Variants in PTAR1 observed in about 807,000 individuals in gnomAD.
PTAR1 encodes protein prenyltransferase alpha subunit repeat containing 1, also known as protein prenyltransferase alpha subunit repeat-containing protein 1.
Under a neutral mutation model 45.5 loss-of-function variants are expected in PTAR1, and 17 were observed. The observed-to-expected ratio is 0.37, with a 90% CI of 0.26 to 0.56. PTAR1 has a LOEUF of 0.56. PTAR1 is among the 20% of genes least tolerant of loss of function. PTAR1 has a pLI of 0.77. For missense variants in PTAR1, 391 were observed against 476.3 expected, an observed-to-expected ratio of 0.82 and a Z score of 1.67; for synonymous variants, 169 against 171.3, an observed-to-expected ratio of 0.99 and a Z score of 0.11.
chr9:69,755,184 G>A (rs534195949), intron 1 of PTAR1, among the ~76,000 whole-genome samples: 57 of 152,258 alleles, frequency 3.7e-4, no homozygotes, highest in African/African-American at 1.3e-3. Context: ...AAGATATGAT[G>A]GTTTGGGACA....
intron 2 of PTAR1, among the ~76,000 whole-genome samples, chr9:69,749,709 T>C (rs1243148092): frequency 2.0e-5 from 3 of 152,108 alleles, no homozygotes; most frequent in South Asian, 2.1e-4. Context: ...ATGTTACAGA[T>C]AGTGCTGACA....
chr9:69,727,077 G>A (rs547266729), intron 5 of PTAR1, among the ~76,000 whole-genome samples: 4 of 149,590 alleles, frequency 2.7e-5, no homozygotes, highest in African/African-American at 4.9e-5. Context: ...ATATATATAC[G>A]ATGTACGACA....
In PTAR1 at chr9:69,712,789, A is replaced by C. The variant is rs1824574756; in HGVS notation, c.*5553T>G. The C allele has an allele frequency of 6.6e-6, 1 of 152,020 alleles. No individual in the cohort carries two copies. The highest frequency in any genetic ancestry group is 2.4e-5 in the African/African-American group (1 of 41,412). The allele number at this position is 152,020 out of a possible 1,614,324, so 9.4% of individuals were successfully genotyped here. On this transcript the variant is annotated 3_prime_UTR_variant, in exon 8 of 8. Transcript: ENST00000340434. ...ACTAAAACAAAATACAATCATCCCC[A>C]CCTCTACCAAAGATGGAACTATAAC...
rs1357006174 is a variant in PTAR1 at position 69,714,108 on chromosome 9, AC to A, written c.*4233del. ...TTCATTAACTTCTCAGTGCCTCCAC[AC>A]ATCTCTCCATTAAATGGGAGCTTAT... On this transcript the variant is annotated 3_prime_UTR_variant, in exon 8 of 8. Transcript: ENST00000340434. 1 of 152,112 alleles carries A rather than the reference AC, an allele frequency of 6.6e-6. No homozygotes were observed. The highest frequency in any genetic ancestry group is 1.9e-4 in the East Asian group (1 of 5,192). The allele number at this position is 152,112 out of a possible 1,614,324, so 9.4% of individuals were successfully genotyped here.
rs1824760908 is a variant in PTAR1 at position 69,717,186 on chromosome 9, A to C, written c.*1156T>G. 6.6e-6 allele frequency: 1 copy of C among 152,196 alleles called. No individual in the cohort carries two copies. The highest frequency in any genetic ancestry group is 6.5e-5 in the Admixed American group (1 of 15,274). The allele number at this position is 152,196 out of a possible 1,614,324, so 9.4% of individuals were successfully genotyped here. On this transcript the variant is annotated 3_prime_UTR_variant, in exon 8 of 8. Transcript: ENST00000340434. ...CCTTGGCATTTGCCAGTAAACTTTA[A>C]CAGTCACTTCATGATAATTTTATAG...
chr9:69,745,166 A>G (rs949218674), intron 2 of PTAR1, among the ~76,000 whole-genome samples: 7 of 152,240 alleles, frequency 4.6e-5, no homozygotes, highest in Admixed American at 2.0e-4. Context: ...TATTTTCAAC[A>G]TAAGTAAGGA....
intron 4 of PTAR1, among the ~76,000 whole-genome samples, chr9:69,733,774 G>A (rs779233465): frequency 1.3e-5 from 2 of 152,110 alleles, no homozygotes; most frequent in Non-Finnish European, 2.9e-5. Context: ...TTACAGTTGA[G>A]TATCTATAAA....
At position 69,711,064 on chromosome 9, in the gene PTAR1, G is replaced by T. The variant is rs1338349368; in HGVS notation, c.*7278C>A. 2 of 151,824 alleles carry T rather than the reference G, an allele frequency of 1.3e-5. No individual in the cohort carries two copies. The highest frequency in any genetic ancestry group is 4.8e-5 in the African/African-American group (2 of 41,326). 9.4% of individuals were successfully genotyped at this position (151,824 alleles called of 1,614,324 possible). A position where few individuals can be genotyped will look rare whatever the true frequency, so the allele number is the denominator to read the frequency against. ...TTAGACGCTATTAAAATCATAACTG[G>T]CCTTTTTTTTTCTCCCTCTCCTTTT... On this transcript the variant is annotated 3_prime_UTR_variant, in exon 8 of 8. Coordinates refer to ENST00000340434, the MANE Select transcript of PTAR1 (RefSeq NM_001099666.2).
intron 1 of PTAR1, among the ~76,000 whole-genome samples, chr9:69,754,345 A>C (rs1826665293): frequency 6.6e-6 from 1 of 152,100 alleles, no homozygotes; most frequent in African/African-American, 2.4e-5. Context: ...CTTAGCCCCA[A>C]ACCCCTGACA....
rs775836507 is a variant in PTAR1 at position 69,759,964 on chromosome 9, G to C, written c.-26C>G. The C allele has an allele frequency of 1.4e-6, 2 of 1,454,430 alleles. No homozygotes were observed. The highest frequency in any genetic ancestry group is 1.8e-6 in the Non-Finnish European group (2 of 1,096,420). The allele number at this position is 1,454,430 out of a possible 1,614,324, so 90.1% of individuals were successfully genotyped here. Reference sequence around the variant, plus strand: ...GTTGGCGGCGGCCGCGACAGTTCGGGCGCGCCTCCGCGTGAGCCGGGCCGC... The same window carrying C: ...GTTGGCGGCGGCCGCGACAGTTCGGCCGCGCCTCCGCGTGAGCCGGGCCGC... On this transcript the variant is annotated 5_prime_UTR_variant, in exon 1 of 8. Coordinates refer to ENST00000340434, the MANE Select transcript of PTAR1 (RefSeq NM_001099666.2).
intron 3 of PTAR1, among the ~76,000 whole-genome samples, chr9:69,740,472 T>C (rs1469514903): frequency 6.6e-6 from 1 of 152,110 alleles, no homozygotes; most frequent in East Asian, 1.9e-4. Flanking sequence ...AGAATTTTTT[T>C]GTTGAAGGAC....
chr9:69,750,717 C>G (rs1588484132), intron 2 of PTAR1, 64 bp downstream of exon 2: 1 of 1,173,066 alleles, frequency 8.5e-7, no homozygotes, highest in Non-Finnish European at 1.2e-6. Context: ...CAGAGAAGGG[C>G]TCTTCCTACT....
intron 5 of PTAR1, among the ~76,000 whole-genome samples, chr9:69,725,675 A>G (rs935144154): frequency 6.6e-6 from 1 of 151,980 alleles, no homozygotes; most frequent in Non-Finnish European, 1.5e-5. Flanking sequence ...AAAATCCACT[A>G]TATTCTTTTC....
chr9:69,734,185 G>A lies in PTAR1; in HGVS notation c.393C>T (p.Thr131=), dbSNP rs1825674854. ...ATGTTTCTGGACTCTTTGGAAACTT[G>A]GTTAAGGCGAGTTTTCCCAGATGTA... ...KDLHLGKLAL[T]KFPKSPETWI... is the part of the protein sequence containing the mutation. The change falls in exon 4 of 8, where the codon ACC becomes ACT. Residue 131 remains threonine (T), a synonymous_variant. Coordinates refer to ENST00000340434, the MANE Select transcript of PTAR1 (RefSeq NM_001099666.2). The A allele has an allele frequency of 2.0e-6, 3 of 1,525,670 alleles. No homozygotes were observed. Among genetic ancestry groups the A allele is most frequent in the African/African-American group, 2.9e-5 (2 of 69,910 alleles). 94.5% of individuals were successfully genotyped at this position (1,525,670 alleles called of 1,614,324 possible). A position where few individuals can be genotyped will look rare whatever the true frequency, so the allele number is the denominator to read the frequency against.
In PTAR1 at chr9:69,710,930, T is replaced by TA. The variant is rs1205434856; in HGVS notation, c.*7411_*7412insT. The TA allele has an allele frequency of 2.2e-4, 34 of 152,304 alleles. No homozygotes were observed. The highest frequency in any genetic ancestry group is 6.7e-4 in the African/African-American group (28 of 41,582). 9.4% of individuals were successfully genotyped at this position (152,304 alleles called of 1,614,324 possible). On this transcript the variant is annotated 3_prime_UTR_variant, in exon 8 of 8. Transcript: ENST00000340434. ...AGCAATGTAAAATTAACAGGCATGG[T>TA]TAATTTTAATGGCAGAATATAGTAG...
At chr9:69,735,793 C>G (rs555263438) in intron 3 of PTAR1, among the ~76,000 whole-genome samples, 3 of 152,086 alleles carry the variant, frequency 2.0e-5, no homozygotes, top group Admixed American at 2.0e-4. Flanking sequence ...GAATCCAGCT[C>G]TTATACCATA....
intron 2 of PTAR1, among the ~76,000 whole-genome samples, chr9:69,742,164 G>A (rs900071553): frequency 3.9e-5 from 6 of 151,936 alleles, no homozygotes; most frequent in Admixed American, 1.3e-4. Flanking sequence ...AATATTTACC[G>A]AGGAAAGAAA....
chr9:69,718,384 A>G lies in PTAR1; in HGVS notation c.1167T>C (p.Phe389=). The stretch of plus-strand genomic sequence containing the variant: ...CCAGCCATTTCCTGTATGCACTGGC[A>G]AACCTGGCTTGCTCCACGTTCCGAC... ...STCRNVEQAR[F]ASAYRKWLVT... Residue 389 remains phenylalanine, a synonymous_variant, in exon 8 of 8, where the codon TTT becomes TTC. Coordinates refer to ENST00000340434, the MANE Select transcript of PTAR1 (RefSeq NM_001099666.2). 1 of 1,612,854 alleles carries G rather than the reference A, an allele frequency of 6.2e-7. No homozygotes were observed. Among genetic ancestry groups the G allele is most frequent in the Non-Finnish European group, 8.5e-7 (1 of 1,179,138 alleles).
At position 69,711,395 on chromosome 9, in the gene PTAR1, ACT is replaced by A. The variant is rs925199135; in HGVS notation, c.*6945_*6946del. 2.6e-5 allele frequency: 4 copies of A among 152,040 alleles called. No individual in the cohort carries two copies. The highest frequency in any genetic ancestry group is 4.8e-5 in the African/African-American group (2 of 41,394). The allele number at this position is 152,040 out of a possible 1,614,324, so 9.4% of individuals were successfully genotyped here. The stretch of plus-strand genomic sequence containing the variant: ...TGTTTAATCTTTTTACATTAGGTAA[ACT>A]CTGTCAAAAATGCTTTGAAAACCAC... On this transcript the variant is annotated 3_prime_UTR_variant, in exon 8 of 8. Coordinates refer to ENST00000340434, the MANE Select transcript of PTAR1 (RefSeq NM_001099666.2).
Sources: gnomAD v4.1 joint callset for allele counts (sites outside exome capture counted in the v4.1 genomes callset) on GRCh38, gnomAD v4.1.1 for gene constraint, MANE v1.5 for transcripts, NCBI Gene and HGNC (gene_info 2026-07-23, HGNC 2026-07-21) for gene names.